HM13: variants seen among roughly 807,000 people sequenced by gnomAD.
HM13 encodes histocompatibility minor 13.
Under a neutral mutation model 50.0 loss-of-function variants are expected in HM13, and 18 were observed. That is an observed-to-expected ratio of 0.36 (90% CI 0.25 to 0.53). The LOEUF is 0.53. Ranked by LOEUF, HM13 falls within the 20% of genes least tolerant of loss-of-function variation. The pLI is 0.90. For synonymous variants in HM13, 197 were observed against 232.6 expected (o/e 0.85, Z 1.39); for missense variants, 393 against 552.4 (o/e 0.71, Z 2.89).
chr20:31,559,337 A>G (rs971088346), intron 8 of HM13, among the ~76,000 whole-genome samples: 38 of 152,308 alleles, frequency 2.5e-4, no homozygotes, highest in African/African-American at 8.7e-4. Flanking sequence ...TAGGCACTTG[A>G]TAAGCATTTG....
chr20:31,559,050 C>G (rs1984466684), intron 8 of HM13, among the ~76,000 whole-genome samples: 1 of 152,206 alleles, frequency 6.6e-6, no homozygotes, highest in African/African-American at 2.4e-5. Context: ...TCCCGAGTAG[C>G]TGGGACTACG....
chr20:31,567,875 G>A (rs1419314278), intron 11 of HM13: 9 of 557,914 alleles, frequency 1.6e-5, no homozygotes, highest in Non-Finnish European at 2.5e-5. Flanking sequence ...CTGCACAGTG[G>A]CCTGATGTGC....
intron 2 of HM13, 74 bp from the exon 3 acceptor site, chr20:31,538,105 G>C (rs1983218310): frequency 6.3e-7 from 1 of 1,575,068 alleles, no homozygotes. Flanking sequence ...CTCCAGAAGA[G>C]ACGCAGGGAC....
At chr20:31,547,659 A>T in intron 4 of HM13, 1 of 1,548,324 alleles carries the variant, frequency 6.5e-7, no homozygotes, top group African/African-American at 1.4e-5. Context: ...CTGTCAAAAT[A>T]GTCCGATGCC....
chr20:31,530,393 A>G (rs1022417226), intron 2 of HM13, among the ~76,000 whole-genome samples: 9 of 146,902 alleles, frequency 6.1e-5, no homozygotes, highest in African/African-American at 2.2e-4. Flanking sequence ...CAACACAGTC[A>G]AATTACCCCA....
chr20:31,546,625 G>A (rs1162760259), intron 4 of HM13, among the ~76,000 whole-genome samples: 1 of 151,852 alleles, frequency 6.6e-6, no homozygotes, highest in Non-Finnish European at 1.5e-5. Context: ...ATGGTGGCGT[G>A]TACCTGTAAT....
At chr20:31,565,166 A>C (rs1430751707) in intron 10 of HM13, among the ~76,000 whole-genome samples, 1 of 130,472 alleles carries the variant, frequency 7.7e-6, no homozygotes, top group Non-Finnish European at 1.6e-5. Context: ...ACTCCATCTC[A>C]AAAAAAAAAA....
At chr20:31,558,473 A>G (rs1033767279) in intron 8 of HM13, among the ~76,000 whole-genome samples, 3 of 152,104 alleles carry the variant, frequency 2.0e-5, no homozygotes, top group African/African-American at 7.2e-5. Context: ...CCAGTAGGCA[A>G]GCTGCCTTAG....
chr20:31,524,880 A>AT (rs1316787547), intron 1 of HM13, among the ~76,000 whole-genome samples: 1 of 151,506 alleles, frequency 6.6e-6, no homozygotes, highest in Non-Finnish European at 1.5e-5. Flanking sequence ...CATCTGGCTA[A>AT]TTTTTTCTAT....
At chr20:31,545,624 A>T (rs2122611910) in intron 4 of HM13, among the ~76,000 whole-genome samples, 1 of 152,336 alleles carries the variant, frequency 6.6e-6, no homozygotes, top group African/African-American at 2.4e-5. Flanking sequence ...AAAAAATGCA[A>T]ACTATGGGGA....
chr20:31,547,985 G>A, intron 4 of HM13: 1 of 1,579,298 alleles, frequency 6.3e-7, no homozygotes, highest in Non-Finnish European at 8.7e-7. Context: ...GTCAACAAAG[G>A]AATTGGCATT....
At position 31,514,973 on chromosome 20, in the gene HM13, C is replaced by G. The variant is rs1310781418; in HGVS notation, c.183+239C>G. Reference sequence around the variant, plus strand: ...CCCAATAGGAACTTGCTTCTGCTCCCGACCCGGACCCTGACACTTCCCTCC... The same window carrying G: ...CCCAATAGGAACTTGCTTCTGCTCCGGACCCGGACCCTGACACTTCCCTCC... On this transcript the variant is annotated intron_variant, in intron 1 of 12. Coordinates refer to ENST00000398174, the MANE Select transcript of HM13 (RefSeq NM_178581.3). The surrounding 1 kb of genome is among the most constrained non-coding windows in gnomAD (Gnocchi z 4.3). Among the ~76,000 whole-genome samples, 2 of 152,134 alleles carry G rather than the reference C, an allele frequency of 1.3e-5. No individual in the cohort carries two copies. The highest frequency in any genetic ancestry group is 2.9e-5 in the Non-Finnish European group (2 of 68,024).
At chr20:31,533,123 C>T (rs114957583) in intron 2 of HM13, among the ~76,000 whole-genome samples, 476 of 152,324 alleles carry the variant, frequency 3.1e-3, no homozygotes, top group African/African-American at 0.011. Flanking sequence ...AACAGAAAAA[C>T]AGCCCACCAC....
chr20:31,538,930 T>C (rs1358549369), intron 3 of HM13: 2 of 314,226 alleles, frequency 6.4e-6, no homozygotes, highest in East Asian at 3.4e-4. Context: ...CTTATATGGG[T>C]TGCTTTTGCT....
intron 3 of HM13, 52 bp from the exon 4 acceptor site, chr20:31,544,895 C>T (rs1983625535): frequency 1.4e-6 from 2 of 1,476,610 alleles, no homozygotes; most frequent in Non-Finnish European, 1.9e-6. Flanking sequence ...TGTGTTAAGG[C>T]TGACTGCCCA....
At chr20:31,537,940 A>C (rs1983205171) in intron 2 of HM13, among the ~76,000 whole-genome samples, 1 of 152,190 alleles carries the variant, frequency 6.6e-6, no homozygotes, top group African/African-American at 2.4e-5. Flanking sequence ...CAGATAATGG[A>C]GCCACTAAAT....
chr20:31,548,833 A>G, intron 4 of HM13, 196 bp from the exon 5 acceptor site: 1 of 614,430 alleles, frequency 1.6e-6, no homozygotes, highest in Non-Finnish European at 2.9e-6. Context: ...CCTGTAGGAA[A>G]TTGGAGGGGT....
At chr20:31,558,135 C>T (rs907679564) in intron 8 of HM13, among the ~76,000 whole-genome samples, 7 of 152,236 alleles carry the variant, frequency 4.6e-5, no homozygotes, top group African/African-American at 1.2e-4. Flanking sequence ...TTTGGGGTTG[C>T]TTAGGCTTCC....
intron 12 of HM13, among the ~76,000 whole-genome samples, chr20:31,568,596 T>A (rs151134331): frequency 1.3e-5 from 2 of 152,332 alleles, no homozygotes; most frequent in East Asian, 3.9e-4. Flanking sequence ...GAAAGATTTG[T>A]ATTATCTTTG....
Sources: gnomAD v4.1 joint callset for allele counts (sites outside exome capture counted in the v4.1 genomes callset) on GRCh38, gnomAD v4.1.1 for gene constraint, Gnocchi (gnomAD v3.1) non-coding constraint, MANE v1.5 for transcripts, NCBI Gene and HGNC (gene_info 2026-07-23, HGNC 2026-07-21) for gene names.